The following SSU72 variants were observed in gnomAD, a reference collection of about 807,000 sequenced individuals.
SSU72 encodes RNA polymerase II subunit A C-terminal domain phosphatase SSU72.
Under a neutral mutation model 22.7 loss-of-function variants are expected in SSU72, and 12 were observed. The observed-to-expected ratio is 0.53, with a 90% confidence interval of 0.34 to 0.86. The LOEUF (loss-of-function observed/expected upper bound fraction) is 0.86. Ranked by LOEUF, SSU72 falls within the 40% of genes least tolerant of loss-of-function variation. SSU72 has a pLI of 0.02. For synonymous variants in SSU72, 116 were observed against 98.3 expected (o/e 1.18, Z -1.06); for missense variants, 151 against 249.8 (o/e 0.60, Z 2.67).
chr1:1,556,208 G>A (rs1189696932), intron 2 of SSU72, among the ~76,000 whole-genome samples: 1 of 152,200 alleles, frequency 6.6e-6, no homozygotes, highest in African/African-American at 2.4e-5. Context: ...CAAGGCGGGT[G>A]GATCACAAGG....
intron 2 of SSU72, among the ~76,000 whole-genome samples, chr1:1,553,619 CAAAAAAAA>C (rs59261076): frequency 1.4e-3 from 141 of 100,790 alleles, no homozygotes; most frequent in Middle Eastern, 5.7e-3. Context: ...ACTAAAAATA[CAAAAAAAA>C]AAAAAAAAAA....
chr1:1,561,216 C>G (rs1642588210), intron 2 of SSU72: 1 of 152,290 alleles, frequency 6.6e-6, no homozygotes, highest in Non-Finnish European at 1.5e-5. Context: ...TCCCAAGTAG[C>G]TGGGACTACA....
intron 2 of SSU72, among the ~76,000 whole-genome samples, chr1:1,547,069 C>A (rs1642399499): frequency 6.6e-6 from 1 of 152,046 alleles, no homozygotes; most frequent in Non-Finnish European, 1.5e-5. Flanking sequence ...ACGGCCTGAC[C>A]TTGTTGTGTG....
intron 2 of SSU72, among the ~76,000 whole-genome samples, chr1:1,551,818 C>T (rs542027975): frequency 1.3e-5 from 2 of 152,342 alleles, no homozygotes; most frequent in African/African-American, 2.4e-5. Context: ...TGGTGGGGCC[C>T]GAGGCCTGTG....
chr1:1,545,211 G>A, intron 2 of SSU72: 1 of 584,958 alleles, frequency 1.7e-6, no homozygotes, highest in Non-Finnish European at 3.0e-6. Flanking sequence ...GCGATGGCAG[G>A]TGCTTGCTCC....
intron 1 of SSU72, among the ~76,000 whole-genome samples, chr1:1,571,173 A>G (rs2100724069): frequency 7.0e-6 from 1 of 141,994 alleles, no homozygotes; most frequent in East Asian, 2.1e-4. Context: ...TGAACCCGGG[A>G]GGCGGAGGTT....
At chr1:1,545,993 C>G (rs1642385388) in intron 2 of SSU72, 1 of 152,252 alleles carries the variant, frequency 6.6e-6, no homozygotes, top group Non-Finnish European at 1.5e-5. Flanking sequence ...CCAGCAGTCC[C>G]AGGAAGGGGC....
rs538982190 is a variant in SSU72, at chr1:1,570,383, G to A, written c.80+4095C>T. ...CCGAGACATGGAAGAACACCCTGCC[G>A]ACCAGAGGCCAGGAGAAGTGGAGTG... On this transcript the variant is annotated intron_variant, in intron 1 of 4. Transcript: ENST00000291386. Among the ~76,000 whole-genome samples the A allele has an allele frequency of 1.5e-4, 22 of 151,600 alleles. No homozygotes were observed. In the South Asian group the frequency reaches 4.0e-3, roughly 27 times the overall value.
At chr1:1,564,507 C>T in intron 2 of SSU72, 1 of 1,515,092 alleles carries the variant, frequency 6.6e-7, no homozygotes, top group Non-Finnish European at 8.9e-7. Context: ...CTGGTCTACG[C>T]TATGTCACGA....
At chr1:1,550,889 T>C (rs1173415105) in intron 2 of SSU72, among the ~76,000 whole-genome samples, 1 of 151,936 alleles carries the variant, frequency 6.6e-6, no homozygotes, top group Non-Finnish European at 1.5e-5. Context: ...GCCTGGGAGG[T>C]GCACAGACCC....
At position 1,564,827 on chromosome 1, in the gene SSU72, A is replaced by G. The variant is rs1391159573; in HGVS notation, c.170T>C (p.Phe57Ser). Residue 57 changes from phenylalanine (F) to serine (S), a missense_variant, in exon 2 of 5, where the codon TTC (phenylalanine) becomes TCC (serine). Coordinates refer to ENST00000291386, the MANE Select transcript of SSU72 (RefSeq NM_014188.3). ...PAPDKPNVYD[F>S]KTTYDQMYND... ...GTACATCTGGTCATATGTGGTTTTG[A>G]AATCATAAACATTGGGCTTGTCGGG... 6.2e-7 allele frequency: 1 copy of G among 1,614,066 alleles called. No homozygotes were observed. Among genetic ancestry groups the G allele is most frequent in the Non-Finnish European group, 8.5e-7 (1 of 1,180,048 alleles).
intron 4 of SSU72, 26 bp downstream of exon 4, chr1:1,543,843 A>G (rs1400740407): frequency 6.4e-7 from 1 of 1,573,338 alleles, no homozygotes; most frequent in East Asian, 2.2e-5. Flanking sequence ...ACCTCTGCCC[A>G]GCGCGGCGCC....
intron 2 of SSU72, among the ~76,000 whole-genome samples, chr1:1,556,175 A>G (rs920231540): frequency 9.2e-5 from 14 of 151,790 alleles, no homozygotes; most frequent in Middle Eastern, 3.4e-3. Flanking sequence ...GCTCACGCCT[A>G]TAATCCCAGC....
At chr1:1,563,039 A>T (rs990546542) in intron 2 of SSU72, 1 of 152,510 alleles carries the variant, frequency 6.6e-6, no homozygotes, top group East Asian at 1.9e-4. Flanking sequence ...CGGGCTGGGG[A>T]GCTGACAGCA....
At chr1:1,549,381 C>T (rs766783815) in intron 2 of SSU72, among the ~76,000 whole-genome samples, 1 of 151,766 alleles carries the variant, frequency 6.6e-6, no homozygotes, top group African/African-American at 2.4e-5. Flanking sequence ...ATTAGCCAGG[C>T]GTGGTGGCAG....
At chr1:1,552,792 G>A (rs1405140645) in intron 2 of SSU72, among the ~76,000 whole-genome samples, 3 of 152,076 alleles carry the variant, frequency 2.0e-5, no homozygotes, top group African/African-American at 4.8e-5. Flanking sequence ...AGGCCGAGGC[G>A]GGTGGATCAC....
intron 4 of SSU72, among the ~76,000 whole-genome samples, chr1:1,543,300 C>T (rs549139981): frequency 4.3e-4 from 65 of 152,308 alleles, no homozygotes; most frequent in African/African-American, 1.3e-3. Context: ...GGCACACCTC[C>T]GACTGCACCG....
intron 2 of SSU72, among the ~76,000 whole-genome samples, chr1:1,552,908 C>A (rs1283190992): frequency 6.6e-6 from 1 of 151,374 alleles, no homozygotes; most frequent in Non-Finnish European, 1.5e-5. Context: ...GTAATCCCAG[C>A]TACTTGGGAG....
intron 2 of SSU72, among the ~76,000 whole-genome samples, chr1:1,549,929 C>T (rs182101681): frequency 6.7e-6 from 1 of 149,956 alleles, no homozygotes; most frequent in East Asian, 2.0e-4. Flanking sequence ...GCCGAGATTG[C>T]GCCTCTATAC....
Sources: allele counts gnomAD v4.1 joint callset (sites outside exome capture counted in the v4.1 genomes callset), GRCh38; gene constraint gnomAD v4.1.1; transcripts MANE v1.5; gene names NCBI Gene and HGNC (gene_info 2026-07-23, HGNC 2026-07-21).